The following PTCD1 variants were observed in gnomAD, a reference collection of about 807,000 sequenced individuals.
PTCD1 encodes the protein pentatricopeptide repeat-containing protein 1, mitochondrial.
A neutral mutation model predicts 53.4 loss-of-function variants in PTCD1; 50 were observed. The observed-to-expected ratio is 0.94, with a 90% CI of 0.75 to 1.19. PTCD1 has a LOEUF of 1.19. Ranked by LOEUF, PTCD1 falls within the 50% of genes most tolerant of loss-of-function variation. The pLI, the probability that PTCD1 is intolerant of heterozygous loss-of-function variation, is 0.00. For missense variants in PTCD1, 918 were observed against 904.8 expected, an observed-to-expected ratio of 1.01 and a Z score of -0.19; for synonymous variants, 413 against 394.8, an observed-to-expected ratio of 1.05 and a Z score of -0.55.
At chr7:99,424,083 C>T in intron 6 of PTCD1, 126 bp from the exon 7 acceptor site, 1 of 1,313,114 alleles carries the variant, frequency 7.6e-7, no homozygotes, top group Non-Finnish European at 1.1e-6. Flanking sequence ...AACTTGGCAG[C>T]AACAATGTGC....
At position 99,423,797 on chromosome 7, in the gene PTCD1, T is replaced by C. The variant is rs1482151613; in HGVS notation, c.1898A>G (p.Gln633Arg). The part of the protein sequence containing the change: ...VVIRQLEFAA[Q>R]YPPTFDRYQG... ...CACCCGGTCAAAGGTGGGAGGGTACTGGGCTGCAAACTCCAGCTGGCGGAT... is the reference window on the plus strand; with the variant it reads ...CACCCGGTCAAAGGTGGGAGGGTACCGGGCTGCAAACTCCAGCTGGCGGAT... The change falls in exon 7 of 8, where the codon CAG becomes CGG. Residue 633 changes from glutamine to arginine, a missense_variant. Gln to Arg is a conservative substitution (Grantham distance 43, BLOSUM62 1). Transcript: ENST00000292478. 1 of 1,614,172 alleles carries C rather than the reference T, an allele frequency of 6.2e-7. No individual in the cohort carries two copies. Among genetic ancestry groups the C allele is most frequent in the Non-Finnish European group, 8.5e-7 (1 of 1,180,022 alleles).
In PTCD1 at chr7:99,418,598, G is replaced by A. The variant is rs1383012155; in HGVS notation, c.*1369C>T. On this transcript the variant is annotated 3_prime_UTR_variant, in exon 8 of 8. Coordinates refer to ENST00000292478, the MANE Select transcript of PTCD1 (RefSeq NM_015545.4). The stretch of plus-strand genomic sequence containing the variant: ...GACTTGGGTACTGAGCAGTGGGGGC[G>A]AGCAAGGGCCGCCTCCCCGACGGAA... 4 of 152,756 alleles carry A rather than the reference G, an allele frequency of 2.6e-5. No homozygotes were observed. Among genetic ancestry groups the A allele is most frequent in the East Asian group, 1.9e-4 (1 of 5,192 alleles). The allele number at this position is 152,756 out of a possible 1,614,324, so 9.5% of individuals were successfully genotyped here.
rs372554963 is a variant in PTCD1, at chr7:99,434,920, T to C, written c.323A>G (p.Gln108Arg). The change falls in exon 2 of 8, where the codon CAG becomes CGG. Residue 108 changes from glutamine to arginine, a missense_variant. By Grantham distance (43) the Gln-to-Arg change is conservative (BLOSUM62 1). Transcript: ENST00000292478. Reference sequence around the variant, plus strand: ...TTCCCCAAACCGCAGGTTATGGAACTGGGCTGCGGATTTGCGGAATAGTCT... The same window carrying C: ...TTCCCCAAACCGCAGGTTATGGAACCGGGCTGCGGATTTGCGGAATAGTCT... ...SRRLFRKSAA[Q>R]FHNLRFGERR... The C allele has an allele frequency of 6.2e-6, 10 of 1,614,146 alleles. No homozygotes were observed. In the South Asian group the frequency reaches 9.9e-5, roughly 16 times the overall value.
chr7:99,419,376 C>T lies in PTCD1; in HGVS notation c.*591G>A, dbSNP rs1208516509. The stretch of plus-strand genomic sequence containing the variant: ...TGGCGCAGTGGCATCGTCTCACTGT[C>T]CTCCTCCGTTGCAGGGCCGCATCAT... On this transcript the variant is annotated 3_prime_UTR_variant, in exon 8 of 8. Coordinates refer to ENST00000292478, the MANE Select transcript of PTCD1 (RefSeq NM_015545.4). 6 of 1,612,618 alleles carry T rather than the reference C, an allele frequency of 3.7e-6. No individual in the cohort carries two copies. The highest frequency in any genetic ancestry group is 5.1e-6 in the Non-Finnish European group (6 of 1,179,948).
In PTCD1 at chr7:99,419,147, G is replaced by C. The variant is rs1795677621; in HGVS notation, c.*820C>G. 5 of 560,090 alleles carry C rather than the reference G, an allele frequency of 8.9e-6. No homozygotes were observed. Among genetic ancestry groups the C allele is most frequent in the African/African-American group, 1.9e-5 (1 of 52,980 alleles). The allele number at this position is 560,090 out of a possible 1,614,324, so 34.7% of individuals were successfully genotyped here. On this transcript the variant is annotated 3_prime_UTR_variant, in exon 8 of 8. Transcript: ENST00000292478. ...TTTCTTTTTCTTGATTGGCAAACGTGTGTTGGATTTGCAGAACATATTATA... is the reference window on the plus strand; with the variant it reads ...TTTCTTTTTCTTGATTGGCAAACGTCTGTTGGATTTGCAGAACATATTATA...
chr7:99,436,622 C>CAAA (rs1796476492), intron 1 of PTCD1, among the ~76,000 whole-genome samples: 1 of 152,006 alleles, frequency 6.6e-6, no homozygotes, highest in Admixed American at 6.6e-5. Flanking sequence ...CTCAAAACAA[C>CAAA]AACAACAACA....
Position 99,417,518 on chromosome 7 carries a change from C to T in PTCD1, c.*2449G>A. 6.2e-7 allele frequency: 1 copy of T among 1,611,770 alleles called. No homozygotes were observed. Among genetic ancestry groups the T allele is most frequent in the South Asian group, 1.1e-5 (1 of 90,948 alleles). On this transcript the variant is annotated 3_prime_UTR_variant, in exon 8 of 8. Transcript: ENST00000292478. ...GCAAGGATATGAGAACTTGTGCTGC[C>T]TGCGGTGCATTCAGACACGGGACAC...
rs183736283 is a variant in PTCD1, at chr7:99,430,752, G to A, written c.595-946C>T. On this transcript the variant is annotated intron_variant, in intron 3 of 7. Transcript: ENST00000292478. Reference sequence around the variant, plus strand: ...CTTACTGAGCTTACACTCAAGAAGGGAGACACACTGCAGGTGAGTCACCAA... The same window carrying A: ...CTTACTGAGCTTACACTCAAGAAGGAAGACACACTGCAGGTGAGTCACCAA... 3.1e-3 allele frequency among the ~76,000 whole-genome samples: 471 copies of A among 152,328 alleles called. 4 individuals are homozygous for A. The highest frequency in any genetic ancestry group is 1.5e-3 in the Non-Finnish European group (104 of 68,038).
rs566122847 is a variant in PTCD1 at position 99,433,406 on chromosome 7, G to C, written c.466C>G (p.Leu156Val). Residue 156 changes from leucine (L) to valine (V), a missense_variant, in exon 3 of 8, where the codon CTG (leucine) becomes GTG (valine). Leu to Val is a conservative substitution (Grantham distance 32). Coordinates refer to ENST00000292478, the MANE Select transcript of PTCD1 (RefSeq NM_015545.4). ...LIKEGKLVEA[L>V]DLFERQMLKE... ...AGCATCTGCCTCTCAAACAGGTCCA[G>C]GGCTTCAACCAGCTGCAGGGAAGAG... The C allele has an allele frequency of 1.9e-6, 3 of 1,614,142 alleles. No homozygotes were observed. The East Asian group carries it at 6.7e-5, about 36-fold the overall frequency.
rs1584461559 is a variant in PTCD1, at chr7:99,429,189, C to T, written c.829G>A (p.Gly277Arg). 6.2e-7 allele frequency: 1 copy of T among 1,614,102 alleles called. No individual in the cohort carries two copies. The highest frequency in any genetic ancestry group is 1.1e-5 in the South Asian group (1 of 91,074). The change falls in exon 5 of 8, where the codon GGG (glycine) becomes AGG (arginine). Residue 277 changes from glycine to arginine, a missense_variant. Coordinates refer to ENST00000292478, the MANE Select transcript of PTCD1 (RefSeq NM_015545.4). Reference protein sequence around the residue: ...LDVFKEIIHKGHVVTEETFSF... With the variant: ...LDVFKEIIHKRHVVTEETFSF... Reference sequence around the variant, plus strand: ...AAGGTCTCCTCTGTGACCACGTGCCCTTTGTGGATGATTTCCTGGGGGAGG... The same window carrying T: ...AAGGTCTCCTCTGTGACCACGTGCCTTTTGTGGATGATTTCCTGGGGGAGG...
At position 99,425,571 on chromosome 7, in the gene PTCD1, T is replaced by G. The variant is rs1219876672; in HGVS notation, c.961A>C (p.Ser321Arg). The change falls in exon 6 of 8, where the codon AGC (serine) becomes CGC (arginine). Residue 321 changes from serine to arginine, a missense_variant. Transcript: ENST00000292478. ...GCTGCCACCAACAGCAGGTTGTAGCTGTCCCGGCTCGGCTGTAGCCCTAGA... is the reference window on the plus strand; with the variant it reads ...GCTGCCACCAACAGCAGGTTGTAGCGGTCCCGGCTCGGCTGTAGCCCTAGA... ...LSLGLQPSRD[S>R]YNLLLVAARD... is the part of the protein sequence containing the mutation. 1 of 1,612,220 alleles carries G rather than the reference T, an allele frequency of 6.2e-7. No homozygotes were observed. The highest frequency in any genetic ancestry group is 8.5e-7 in the Non-Finnish European group (1 of 1,179,954).
chr7:99,417,798 G>A lies in PTCD1; in HGVS notation c.*2169C>T, dbSNP rs1399653877. On this transcript the variant is annotated 3_prime_UTR_variant, in exon 8 of 8. Coordinates refer to ENST00000292478, the MANE Select transcript of PTCD1 (RefSeq NM_015545.4). ...TGGCTGTGTGTTTGTTAGGTCTGGG[G>A]TCAATCTCAACTCCACTTTTGGGCA... 1 of 1,518,052 alleles carries A rather than the reference G, an allele frequency of 6.6e-7. No individual in the cohort carries two copies. Among genetic ancestry groups the A allele is most frequent in the African/African-American group, 1.4e-5 (1 of 72,400 alleles). The allele number at this position is 1,518,052 out of a possible 1,614,324, so 94.0% of individuals were successfully genotyped here. A position where few individuals can be genotyped will look rare whatever the true frequency, so the allele number is the denominator to read the frequency against.
chr7:99,431,793 C>G (rs1657194699), intron 3 of PTCD1, among the ~76,000 whole-genome samples: 1 of 152,130 alleles, frequency 6.6e-6, no homozygotes, highest in Non-Finnish European at 1.5e-5. Context: ...GTTACTGTGT[C>G]TATGTAGAAA....
Position 99,418,105 on chromosome 7 carries a change from C to T in PTCD1, c.*1862G>A, listed in dbSNP as rs200333308. On this transcript the variant is annotated 3_prime_UTR_variant, in exon 8 of 8. Coordinates refer to ENST00000292478, the MANE Select transcript of PTCD1 (RefSeq NM_015545.4). ...GCCTCATCCTCCTGAGTAGCTGGGA[C>T]TACAGGCATGCACCACCACGCCTGG... 1.1e-4 allele frequency: 52 copies of T among 484,854 alleles called. No homozygotes were observed. Among genetic ancestry groups the T allele is most frequent in the Non-Finnish European group, 1.4e-4 (49 of 352,042 alleles). 30.0% of individuals were successfully genotyped at this position (484,854 alleles called of 1,614,324 possible).
intron 4 of PTCD1, 87 bp from the exon 5 acceptor site, chr7:99,429,291 G>A (rs1310973916): frequency 2.6e-5 from 40 of 1,513,946 alleles, no homozygotes; most frequent in Non-Finnish European, 3.4e-5. Flanking sequence ...CACATTGGGA[G>A]GCCAAGGCAG....
At chr7:99,423,698 G>A in intron 7 of PTCD1, 77 bp downstream of exon 7, 1 of 1,607,730 alleles carries the variant, frequency 6.2e-7, no homozygotes, top group Non-Finnish European at 8.5e-7. Flanking sequence ...CCAAGGGCCA[G>A]AACCGGGGTT....
chr7:99,429,877 G>C, intron 3 of PTCD1, 71 bp from the exon 4 acceptor site: 3 of 1,585,970 alleles, frequency 1.9e-6, no homozygotes, highest in South Asian at 2.3e-5. Flanking sequence ...CTGCCCCAGA[G>C]GAGGCTGAGG....
At chr7:99,432,247 A>G (rs1454351461) in intron 3 of PTCD1, among the ~76,000 whole-genome samples, 1 of 152,174 alleles carries the variant, frequency 6.6e-6, no homozygotes, top group Non-Finnish European at 1.5e-5. Context: ...TTGAGATAAG[A>G]GGAAGGCATC....
Position 99,425,006 on chromosome 7 carries a change from G to A in PTCD1, c.1526C>T (p.Ala509Val), listed in dbSNP as rs377292526. Residue 509 changes from alanine to valine, a missense_variant, in exon 6 of 8, where the codon GCC (alanine) becomes GTC (valine). Transcript: ENST00000292478. ...SGSPAESLLL[A>V]LLDEHQVEAD... ...CTCTACCTGGTGCTCATCCAGGAGG[G>A]CCAGCAGCAAGGACTCTGCAGGACT... 2.3e-5 allele frequency: 37 copies of A among 1,614,116 alleles called. No homozygotes were observed. The highest frequency in any genetic ancestry group is 3.1e-5 in the Non-Finnish European group (36 of 1,180,050).
Sources: gnomAD v4.1 joint callset for allele counts (sites outside exome capture counted in the v4.1 genomes callset) on GRCh38, gnomAD v4.1.1 for gene constraint, MANE v1.5 for transcripts, NCBI Gene and HGNC (gene_info 2026-07-23, HGNC 2026-07-21) for gene names.